Variants in ANGPT1 observed in about 807,000 individuals in gnomAD.
ANGPT1 encodes angiopoietin 1.
ANGPT1 carries 17 observed loss-of-function variants against 62.2 expected under a neutral mutation model. The observed-to-expected ratio is 0.27, with a 90% CI of 0.19 to 0.41. The LOEUF (loss-of-function observed/expected upper bound fraction) is 0.41, where lower values mean the gene tolerates loss of function less well. ANGPT1 is among the 10% of genes least tolerant of loss of function. The pLI is 1.00. For missense variants in ANGPT1, 478 were observed against 594.9 expected (o/e 0.80, Z 2.04); for synonymous variants, 199 against 198.9 (o/e 1.00, Z 0.00).
intron 1 of ANGPT1, among the ~76,000 whole-genome samples, chr8:107,477,469 C>T (rs1812562972): frequency 6.6e-6 from 1 of 152,124 alleles, no homozygotes. Flanking sequence ...GAACTTCATT[C>T]TGAGGATACC....
In ANGPT1 at chr8:107,494,309, T is replaced by G. The variant is rs143349042; in HGVS notation, c.297+2953A>C. Among the ~76,000 whole-genome samples the G allele has an allele frequency of 7.0e-3, 1,060 of 152,244 alleles. 10 individuals carry two copies. Among genetic ancestry groups the G allele is most frequent in the African/African-American group, 0.024 (999 of 41,546 alleles). On this transcript the variant is annotated intron_variant, in intron 1 of 8. Coordinates refer to ENST00000517746, the MANE Select transcript of ANGPT1 (RefSeq NM_001146.5). ...ATGTGGGCTAAATGTTTCACTGTCA[T>G]AGAGAGGTAGGGAGAGATCATAAGA...
chr8:107,397,443 G>A (rs1010943588), intron 1 of ANGPT1, among the ~76,000 whole-genome samples: 4 of 150,832 alleles, frequency 2.7e-5, no homozygotes, highest in Non-Finnish European at 4.4e-5. Context: ...AATGTTGCTT[G>A]TGTGTGTGTG....
Position 107,325,625 on chromosome 8 carries a change from C to T in ANGPT1, c.576-3497G>A, listed in dbSNP as rs539124134. On this transcript the variant is annotated intron_variant, in intron 3 of 8. Coordinates refer to ENST00000517746, the MANE Select transcript of ANGPT1 (RefSeq NM_001146.5). ...AGTTATAATTTGTATTTATTAGTTG[C>T]TAAGTGCCAATAATTCTGTAAAATA... 2.5e-4 allele frequency among the ~76,000 whole-genome samples: 38 copies of T among 152,164 alleles called. 1 individual carries two copies. The highest frequency in any genetic ancestry group is 1.2e-3 in the East Asian group (6 of 5,186).
intron 1 of ANGPT1, among the ~76,000 whole-genome samples, chr8:107,473,450 G>A (rs940210417): frequency 4.6e-5 from 7 of 151,630 alleles, no homozygotes; most frequent in African/African-American, 1.5e-4. Flanking sequence ...TCAGAGTCAG[G>A]TTGTCTAAAA....
At chr8:107,257,388 A>C (rs1813383029) in intron 8 of ANGPT1, among the ~76,000 whole-genome samples, 1 of 152,170 alleles carries the variant, frequency 6.6e-6, no homozygotes, top group Non-Finnish European at 1.5e-5. Context: ...TAATAGATGA[A>C]ACTTTGCCCA....
At chr8:107,479,507 A>T (rs548184880) in intron 1 of ANGPT1, among the ~76,000 whole-genome samples, 1 of 152,312 alleles carries the variant, frequency 6.6e-6, no homozygotes, top group East Asian at 1.9e-4. Flanking sequence ...AATCTGGGAT[A>T]GATTTTACTG....
At chr8:107,354,079 T>G (rs1815990142) in intron 1 of ANGPT1, among the ~76,000 whole-genome samples, 1 of 152,172 alleles carries the variant, frequency 6.6e-6, no homozygotes, top group Non-Finnish European at 1.5e-5. Flanking sequence ...CACATTCTTG[T>G]GGCTGCTGAA....
chr8:107,370,852 C>A (rs370289263), intron 1 of ANGPT1, among the ~76,000 whole-genome samples: 9 of 150,876 alleles, frequency 6.0e-5, no homozygotes, highest in African/African-American at 2.2e-4. Flanking sequence ...TGGGAAAGTT[C>A]TAAATATAAT....
intron 3 of ANGPT1, among the ~76,000 whole-genome samples, chr8:107,322,343 G>A (rs949926788): frequency 2.0e-5 from 3 of 152,096 alleles, no homozygotes; most frequent in Non-Finnish European, 4.4e-5. Flanking sequence ...GATATTGTCA[G>A]AGTAATGTTT....
chr8:107,308,620 T>C (rs1814777830), intron 4 of ANGPT1, among the ~76,000 whole-genome samples: 2 of 152,170 alleles, frequency 1.3e-5, no homozygotes, highest in East Asian at 1.9e-4. Context: ...ATATAACATA[T>C]AGAAAAGCTT....
At chr8:107,383,610 C>A (rs1379348054) in intron 1 of ANGPT1, among the ~76,000 whole-genome samples, 1 of 152,048 alleles carries the variant, frequency 6.6e-6, no homozygotes, top group Non-Finnish European at 1.5e-5. Flanking sequence ...CACACAACAC[C>A]TTTTTAAAAA....
chr8:107,283,489 T>C (rs1244850791), intron 7 of ANGPT1, among the ~76,000 whole-genome samples: 2 of 151,850 alleles, frequency 1.3e-5, no homozygotes, highest in Non-Finnish European at 2.9e-5. Context: ...ATGAAATGAG[T>C]TGTGCCTATG....
chr8:107,447,711 G>T (rs1811656079), intron 1 of ANGPT1, among the ~76,000 whole-genome samples: 1 of 152,200 alleles, frequency 6.6e-6, no homozygotes, highest in South Asian at 2.1e-4. Flanking sequence ...CACCAGTTCA[G>T]TGGCTTTCCA....
At chr8:107,255,882 C>T (rs777407679) in intron 8 of ANGPT1, among the ~76,000 whole-genome samples, 2 of 152,108 alleles carry the variant, frequency 1.3e-5, no homozygotes, top group Non-Finnish European at 2.9e-5. Context: ...TGGAGCATCA[C>T]AGTAATTTAA....
intron 1 of ANGPT1, among the ~76,000 whole-genome samples, chr8:107,437,361 T>C (rs1586321846): frequency 6.6e-6 from 1 of 152,292 alleles, no homozygotes; most frequent in African/African-American, 2.4e-5. Flanking sequence ...TAGAGAAAGG[T>C]ATCACTAACT....
chr8:107,497,330 C>A lies in ANGPT1; in HGVS notation c.229G>T (p.Asp77Tyr), dbSNP rs774918487. ...LQRDAPHVEP[D>Y]FSSQKLQHLE... ...TGTTGAAGTTTCTGGGAAGAGAAAT[C>A]CGGTTCCACGTGTGGAGCATCTCTC... is the stretch of plus-strand genomic sequence containing the variant. The change falls in exon 1 of 9, where the codon GAT (aspartate) becomes TAT (tyrosine). Residue 77 changes from aspartate to tyrosine, a missense_variant. Physicochemically the swap from Asp to Tyr is radical, Grantham distance 160. Around this residue, in one of 4 missense-constraint regions of ANGPT1, gnomAD observed 343 missense variants for 355.4 expected, o/e 0.97. Coordinates refer to ENST00000517746, the MANE Select transcript of ANGPT1 (RefSeq NM_001146.5). 4 of 1,614,020 alleles carry A rather than the reference C, an allele frequency of 2.5e-6. No individual in the cohort carries two copies.
chr8:107,312,328 T>C (rs1388579625), intron 4 of ANGPT1, among the ~76,000 whole-genome samples: 2 of 152,208 alleles, frequency 1.3e-5, no homozygotes, highest in South Asian at 2.1e-4. Context: ...GGCTAAAATA[T>C]ATTGGTTTTG....
In ANGPT1 at chr8:107,447,181, C is replaced by T. The variant is rs557700152; in HGVS notation, c.297+50081G>A. 5.3e-5 allele frequency among the ~76,000 whole-genome samples: 8 copies of T among 152,308 alleles called. No homozygotes were observed. In the South Asian group the frequency reaches 1.7e-3, roughly 32 times the overall value. ...AATGGGCTTCTACCTTGTCTCCTTGCTCATGCCCTTTTCCCCTAGATTATA... is the reference window on the plus strand; with the variant it reads ...AATGGGCTTCTACCTTGTCTCCTTGTTCATGCCCTTTTCCCCTAGATTATA... On this transcript the variant is annotated intron_variant, in intron 1 of 8. Transcript: ENST00000517746.
At chr8:107,477,234 T>C (rs1812557488) in intron 1 of ANGPT1, among the ~76,000 whole-genome samples, 1 of 152,174 alleles carries the variant, frequency 6.6e-6, no homozygotes, top group Non-Finnish European at 1.5e-5. Context: ...CACCTCTCCA[T>C]CCATTCGTTT....
Sources: allele counts gnomAD v4.1 joint callset (sites outside exome capture counted in the v4.1 genomes callset), GRCh38; gene constraint gnomAD v4.1.1; regional missense constraint gnomAD v4.1.1; transcripts MANE v1.5; gene names NCBI Gene and HGNC (gene_info 2026-07-23, HGNC 2026-07-21).